TCF4: variants seen among roughly 807,000 people sequenced by gnomAD.
The protein encoded by TCF4 is SL3-3 enhancer factor 2.
A neutral mutation model predicts 82.1 loss-of-function variants in TCF4; 3 were observed. The ratio of observed to expected loss-of-function variants is 0.04; its 90% CI spans 0.02 to 0.09. The LOEUF (loss-of-function observed/expected upper bound fraction) is 0.09. Ranked by LOEUF, TCF4 falls within the 10% of genes least tolerant of loss-of-function variation. TCF4 has a pLI of 1.00. For synonymous variants in TCF4, 276 were observed against 309.6 expected (o/e 0.89, Z 1.14); for missense variants, 518 against 852.7 (o/e 0.61, Z 4.89).
intron 3 of TCF4, among the ~76,000 whole-genome samples, chr18:55,473,111 C>T (rs1042662710): frequency 6.6e-6 from 1 of 152,060 alleles, no homozygotes; most frequent in Non-Finnish European, 1.5e-5. Context: ...ATTTAAAATG[C>T]CTATTTGGTA....
intron 15 of TCF4, among the ~76,000 whole-genome samples, chr18:55,242,612 T>A (rs1398127912): frequency 7.0e-6 from 1 of 142,530 alleles, no homozygotes; most frequent in Non-Finnish European, 1.5e-5. Flanking sequence ...AGGCACTGAT[T>A]TTTTTTTTTT....
intron 6 of TCF4, among the ~76,000 whole-genome samples, chr18:55,358,256 A>G (rs2084099940): frequency 6.6e-6 from 1 of 152,246 alleles, no homozygotes; most frequent in African/African-American, 2.4e-5. Flanking sequence ...GAGGTCTTAA[A>G]TAACTACTGT....
At chr18:55,273,333 T>C (rs1232795471) in intron 10 of TCF4, among the ~76,000 whole-genome samples, 6 of 152,148 alleles carry the variant, frequency 3.9e-5, no homozygotes. Flanking sequence ...TTGGCCAAAT[T>C]ATACCCCAAA....
rs143501882 is a variant in TCF4 at position 55,409,010 on chromosome 18, A to G, written c.305-5492T>C. The stretch of plus-strand genomic sequence containing the variant: ...CTTTATAGCTGCACAAATGATACAC[A>G]TGGATTCTGTGACATCTTACAATAA... On this transcript the variant is annotated intron_variant, in intron 5 of 19. Transcript: ENST00000354452. Among the ~76,000 whole-genome samples, 19 of 152,314 alleles carry G rather than the reference A, an allele frequency of 1.2e-4. No individual in the cohort carries two copies. The East Asian group carries it at 3.7e-3, about 29-fold the overall frequency.
At chr18:55,484,514 T>G (rs2096487449) in intron 3 of TCF4, among the ~76,000 whole-genome samples, 1 of 152,222 alleles carries the variant, frequency 6.6e-6, no homozygotes, top group African/African-American at 2.4e-5. Flanking sequence ...CTGTAAATAA[T>G]GAGTTTAGGC....
At chr18:55,500,832 T>A (rs2096690290) in intron 3 of TCF4, among the ~76,000 whole-genome samples, 4 of 152,214 alleles carry the variant, frequency 2.6e-5, no homozygotes, top group Admixed American at 2.6e-4. Context: ...ACTGGCTTCA[T>A]TATATCACAA....
chr18:55,468,881 G>T (rs1027732468), intron 3 of TCF4, among the ~76,000 whole-genome samples: 1 of 106,146 alleles, frequency 9.4e-6, no homozygotes, highest in Non-Finnish European at 2.0e-5. Context: ...TTTAGTTCTC[G>T]CCCCCCCCCC....
intron 16 of TCF4, 35 bp downstream of exon 16, chr18:55,234,513 G>C (rs759092697): frequency 6.2e-7 from 1 of 1,614,144 alleles, no homozygotes; most frequent in South Asian, 1.1e-5. Flanking sequence ...TATTGTGAAA[G>C]TGAGGTCAGA....
At chr18:55,321,855 G>C in intron 8 of TCF4, 1 of 1,471,308 alleles carries the variant, frequency 6.8e-7, no homozygotes, top group Non-Finnish European at 9.0e-7. Context: ...CGGGCCAAGC[G>C]TGGTGAATAT....
At chr18:55,331,192 GAGAC>G (rs1260461708) in intron 8 of TCF4, among the ~76,000 whole-genome samples, 1 of 152,132 alleles carries the variant, frequency 6.6e-6, no homozygotes, top group Non-Finnish European at 1.5e-5. Flanking sequence ...TTTCAGGGAA[GAGAC>G]AGACAGAAGC....
At chr18:55,589,663 T>C, upstream of TCF4, 1 of 1,040,552 alleles carries the variant, frequency 9.6e-7, no homozygotes. Flanking sequence ...TTAAACTTGT[T>C]CCAAGTTTAG....
At chr18:55,491,727 T>C (rs1452557671) in intron 3 of TCF4, among the ~76,000 whole-genome samples, 1 of 152,210 alleles carries the variant, frequency 6.6e-6, no homozygotes, top group African/African-American at 2.4e-5. Flanking sequence ...GTTTACACCT[T>C]GATGTTAAAG....
intron 6 of TCF4, chr18:55,400,883 T>C: frequency 2.8e-6 from 3 of 1,057,920 alleles, no homozygotes. Context: ...ACTGTTATAA[T>C]ACGATAAAGC....
chr18:55,528,498 T>C (rs915499277), intron 3 of TCF4, among the ~76,000 whole-genome samples: 9 of 152,346 alleles, frequency 5.9e-5, no homozygotes, highest in African/African-American at 2.2e-4. Flanking sequence ...GTTGTTACAT[T>C]ATTAGTGATT....
chr18:55,520,049 C>G (rs1232232311), intron 3 of TCF4, among the ~76,000 whole-genome samples: 1 of 152,118 alleles, frequency 6.6e-6, no homozygotes, highest in Admixed American at 6.6e-5. Flanking sequence ...ATACACTCAT[C>G]AACAATTGAA....
At chr18:55,422,177 T>C (rs2094795375) in intron 5 of TCF4, 2 of 979,442 alleles carry the variant, frequency 2.0e-6, no homozygotes, top group Non-Finnish European at 2.4e-6. Context: ...ATCGAATACT[T>C]GCTTTTCTTT....
chr18:55,472,711 T>C (rs1398402104), intron 3 of TCF4, among the ~76,000 whole-genome samples: 3 of 151,866 alleles, frequency 2.0e-5, no homozygotes, highest in South Asian at 2.1e-4. Context: ...AGAATAACAA[T>C]TGGAAGTAAG....
chr18:55,226,247 T>C lies in TCF4; in HGVS notation c.*1788A>G, dbSNP rs978096461. The C allele has an allele frequency of 2.0e-5, 3 of 151,224 alleles. No individual in the cohort carries two copies. Among genetic ancestry groups the C allele is most frequent in the African/African-American group, 7.3e-5 (3 of 41,070 alleles). The allele number at this position is 151,224 out of a possible 1,614,324, so 9.4% of individuals were successfully genotyped here. On this transcript the variant is annotated 3_prime_UTR_variant, in exon 20 of 20. Coordinates refer to ENST00000354452, the MANE Select transcript of TCF4 (RefSeq NM_001083962.2). The stretch of plus-strand genomic sequence containing the variant: ...ATTTATGGCATTTACTCAGTGCTGA[T>C]AGGTGGAAAAACTACTTGAACAGGG...
At chr18:55,393,114 C>T (rs1361158927) in intron 6 of TCF4, among the ~76,000 whole-genome samples, 1 of 152,186 alleles carries the variant, frequency 6.6e-6, no homozygotes, top group East Asian at 1.9e-4. Context: ...CCTATAATCA[C>T]AGCATTTTGG....
Sources: allele counts gnomAD v4.1 joint callset (sites outside exome capture counted in the v4.1 genomes callset), GRCh38; gene constraint gnomAD v4.1.1; transcripts MANE v1.5; gene names NCBI Gene and HGNC (gene_info 2026-07-23, HGNC 2026-07-21).